Variants in EPB41L1 observed in about 807,000 individuals in gnomAD.
EPB41L1 encodes the protein erythrocyte membrane protein band 4.1 like 1, also known as band 4.1-like protein 1.
A neutral mutation model predicts 97.8 loss-of-function variants in EPB41L1; 29 were observed. That is an observed-to-expected ratio of 0.30 (90% CI 0.22 to 0.40). The LOEUF (loss-of-function observed/expected upper bound fraction) is 0.40, where lower values mean the gene tolerates loss of function less well. Among genes scored for constraint, EPB41L1 ranks in the 10% least tolerant of loss-of-function variants. The pLI is 1.00. For missense variants in EPB41L1, 812 were observed against 1,162.3 expected, an observed-to-expected ratio of 0.70 and a Z score of 4.38; for synonymous variants, 383 against 459.2, an observed-to-expected ratio of 0.83 and a Z score of 2.12.
chr20:36,164,598 A>G (rs970230816), intron 1 of EPB41L1, among the ~76,000 whole-genome samples: 1 of 152,232 alleles, frequency 6.6e-6, no homozygotes, highest in African/African-American at 2.4e-5. Context: ...TATGCATACA[A>G]AGACATGCTT....
In EPB41L1 at chr20:36,190,162, C is replaced by T. The variant is rs6060851; in HGVS notation, c.1027-115C>T. The T allele has an allele frequency of 8.8e-3, 7,460 of 851,260 alleles. 131 individuals are homozygous for T. Among genetic ancestry groups the T allele is most frequent in the African/African-American group, 0.052 (3,115 of 59,402 alleles). The allele number at this position is 851,260 out of a possible 1,614,324, so 52.7% of individuals were successfully genotyped here. ...CTGTACTCCACCCTGGGCAAATGAT[C>T]GAGACCCTGTGTCTCAAAAAAACAT... is the stretch of plus-strand genomic sequence containing the variant. On this transcript the variant is annotated intron_variant, in intron 9 of 21. Transcript: ENST00000338074. This position sits in a 1 kb window ranked among gnomAD's most constrained non-coding sequence, Gnocchi z 5.8.
intron 2 of EPB41L1, among the ~76,000 whole-genome samples, chr20:36,118,828 C>A (rs2058665440): frequency 6.6e-6 from 1 of 152,038 alleles, no homozygotes; most frequent in Non-Finnish European, 1.5e-5. Context: ...TTATAAAGCA[C>A]ATTTGTTTGA....
intron 14 of EPB41L1, chr20:36,205,810 T>C (rs2062766384): frequency 4.8e-6 from 6 of 1,258,216 alleles, no homozygotes; most frequent in Non-Finnish European, 6.2e-6. Flanking sequence ...AGGTACCTGA[T>C]ATTTCATGTT....
chr20:36,230,308 T>C lies in EPB41L1; in HGVS notation c.*968T>C, dbSNP rs751974326. 2.0e-5 allele frequency: 3 copies of C among 152,540 alleles called. No individual in the cohort carries two copies. Among genetic ancestry groups the C allele is most frequent in the Admixed American group, 6.5e-5 (1 of 15,276 alleles). 9.4% of individuals were successfully genotyped at this position (152,540 alleles called of 1,614,324 possible). ...ATATTACATATAACAGGAAAAAATA[T>C]TAAAATAAACAGTGCTGGTAAGTAT... On this transcript the variant is annotated 3_prime_UTR_variant, in exon 22 of 22. Transcript: ENST00000338074.
chr20:36,194,371 G>A lies in EPB41L1; in HGVS notation c.1449+11G>A. 2 of 1,599,036 alleles carry A rather than the reference G, an allele frequency of 1.3e-6. No individual in the cohort carries two copies. The highest frequency in any genetic ancestry group is 1.7e-6 in the Non-Finnish European group (2 of 1,172,720). The stretch of plus-strand genomic sequence containing the variant: ...ATCAAGGAGCTAAAGGTAGGAGCCT[G>A]GCTTTCTCATACTCTCTGCCCTGGG... On this transcript the variant is annotated intron_variant, in intron 12 of 21. Transcript: ENST00000338074.
chr20:36,145,422 C>CAGAT (rs1273596817), intron 2 of EPB41L1, among the ~76,000 whole-genome samples: 2 of 151,534 alleles, frequency 1.3e-5, no homozygotes, highest in Non-Finnish European at 2.9e-5. Context: ...AAAGAGTTCC[C>CAGAT]AGATATTGCT....
chr20:36,104,144 T>A (rs1008908664), intron 1 of EPB41L1, among the ~76,000 whole-genome samples: 1 of 152,128 alleles, frequency 6.6e-6, no homozygotes, highest in Non-Finnish European at 1.5e-5. Flanking sequence ...AAGACTCTAG[T>A]ACAAGAAGTC....
intron 15 of EPB41L1, among the ~76,000 whole-genome samples, chr20:36,210,494 C>T (rs1393390821): frequency 6.6e-6 from 1 of 152,006 alleles, no homozygotes; most frequent in Non-Finnish European, 1.5e-5. Flanking sequence ...CATTCCTTTG[C>T]CCCCTCATCT....
chr20:36,119,420 T>C (rs2071239826), intron 2 of EPB41L1, among the ~76,000 whole-genome samples: 1 of 151,994 alleles, frequency 6.6e-6, no homozygotes, highest in Admixed American at 6.6e-5. Context: ...CTGGCCAACA[T>C]GTGAAACCCC....
chr20:36,122,983 C>A (rs1400350799), intron 2 of EPB41L1, among the ~76,000 whole-genome samples: 1 of 152,024 alleles, frequency 6.6e-6, no homozygotes, highest in East Asian at 1.9e-4. Flanking sequence ...ATAGGATCAG[C>A]CAACATCCTA....
At chr20:36,221,731 C>T in intron 19 of EPB41L1, 133 bp from the exon 20 acceptor site, 1 of 787,912 alleles carries the variant, frequency 1.3e-6, no homozygotes, top group Non-Finnish European at 2.2e-6. Flanking sequence ...AAGAAAAAAT[C>T]TGAGGAAGTC....
In EPB41L1 at chr20:36,159,527, G is replaced by A. The variant is rs549092641; in HGVS notation, c.-15+4631G>A. 9.2e-4 allele frequency among the ~76,000 whole-genome samples: 140 copies of A among 152,324 alleles called. 1 individual carries two copies. The highest frequency in any genetic ancestry group is 3.1e-3 in the African/African-American group (130 of 41,564). On this transcript the variant is annotated intron_variant, in intron 1 of 21. Transcript: ENST00000338074. ...GATCCTTTCTGTGTTTGAAGAGAATGACGCTAGACTCCAGTCTCCTTGAAG... is the reference window on the plus strand; with the variant it reads ...GATCCTTTCTGTGTTTGAAGAGAATAACGCTAGACTCCAGTCTCCTTGAAG...
intron 2 of EPB41L1, among the ~76,000 whole-genome samples, chr20:36,146,613 G>A (rs773603902): frequency 2.6e-4 from 40 of 152,336 alleles, no homozygotes; most frequent in South Asian, 6.2e-4. Flanking sequence ...TGGTCTAGCC[G>A]TCTGGTCCCT....
chr20:36,195,837 A>G lies in EPB41L1; in HGVS notation c.1485+473A>G, dbSNP rs2062173057. On this transcript the variant is annotated intron_variant, in intron 13 of 21. Coordinates refer to ENST00000338074, the MANE Select transcript of EPB41L1 (RefSeq NM_012156.2). This position sits in a 1 kb window ranked among gnomAD's most constrained non-coding sequence, Gnocchi z 4.6. ...TCACCCCTAGCTTCTTTTTGTATCT[A>G]TTGGCAGTCAGATGTGGGAGTGGGG... Among the ~76,000 whole-genome samples the G allele has an allele frequency of 1.3e-5, 2 of 151,586 alleles. No individual in the cohort carries two copies. The highest frequency in any genetic ancestry group is 2.1e-4 in the South Asian group (1 of 4,800).
chr20:36,227,706 C>A (rs1311585419), intron 21 of EPB41L1, among the ~76,000 whole-genome samples: 2 of 152,222 alleles, frequency 1.3e-5, no homozygotes, highest in African/African-American at 2.4e-5. Flanking sequence ...TTCTGCAAAT[C>A]CTCCAGAAAC....
At chr20:36,174,675 C>G (rs934617759) in intron 2 of EPB41L1, among the ~76,000 whole-genome samples, 5 of 151,878 alleles carry the variant, frequency 3.3e-5, no homozygotes, top group African/African-American at 1.2e-4. Context: ...CTTGGCCTCC[C>G]AAAGTGCTGG....
chr20:36,197,796 G>A (rs1343986820), intron 13 of EPB41L1, 63 bp from the exon 14 acceptor site: 15 of 1,613,174 alleles, frequency 9.3e-6, no homozygotes, highest in Non-Finnish European at 1.3e-5. Context: ...CATCATCCCT[G>A]CACCCTGCAT....
intron 6 of EPB41L1, among the ~76,000 whole-genome samples, chr20:36,183,628 AG>A (rs2061558577): frequency 6.6e-6 from 1 of 152,260 alleles, no homozygotes. Context: ...AGATGGCCCC[AG>A]GAGATGGGTG....
chr20:36,178,771 T>G, intron 5 of EPB41L1, 99 bp downstream of exon 5: 1 of 1,331,176 alleles, frequency 7.5e-7, no homozygotes, highest in East Asian at 2.3e-5. Flanking sequence ...GAAAGTGCAT[T>G]TCAGGCCAGG....
Sources: gnomAD v4.1 joint callset for allele counts (sites outside exome capture counted in the v4.1 genomes callset) on GRCh38, gnomAD v4.1.1 for gene constraint, Gnocchi (gnomAD v3.1) non-coding constraint, MANE v1.5 for transcripts, NCBI Gene and HGNC (gene_info 2026-07-23, HGNC 2026-07-21) for gene names.